Variants in DNAH3 observed in about 807,000 individuals in gnomAD.
The protein encoded by DNAH3 is axonemal beta dynein heavy chain 3.
DNAH3 carries 332 observed loss-of-function variants against 432.5 expected under a neutral mutation model. The ratio of observed to expected loss-of-function variants is 0.77; its 90% CI spans 0.70 to 0.84. The LOEUF is 0.84. Ranked by LOEUF, DNAH3 falls within the 40% of genes least tolerant of loss-of-function variation. The pLI is 0.00. For synonymous variants in DNAH3, 1,956 were observed against 1,900.2 expected, an observed-to-expected ratio of 1.03 and a Z score of -0.76; for missense variants, 4,861 against 5,114.0, an observed-to-expected ratio of 0.95 and a Z score of 1.51.
At chr16:21,129,953 A>T (rs1245608076) in intron 7 of DNAH3, 2 of 151,926 alleles carry the variant, frequency 1.3e-5, no homozygotes, top group Non-Finnish European at 2.9e-5. Context: ...TTATTTACCT[A>T]ATATATTTAT....
At chr16:20,982,943 G>T (rs756253817) in intron 48 of DNAH3, 57 bp from the exon 49 acceptor site, 12 of 1,600,378 alleles carry the variant, frequency 7.5e-6, no homozygotes, top group African/African-American at 1.3e-5. Flanking sequence ...GACCCAAGGA[G>T]GCAGGCGGGT....
chr16:21,082,451 CT>C (rs2091221758), intron 19 of DNAH3, among the ~76,000 whole-genome samples: 1 of 152,162 alleles, frequency 6.6e-6, no homozygotes. Flanking sequence ...ATCCTCGCAC[CT>C]TGATCTCCCA....
intron 25 of DNAH3, among the ~76,000 whole-genome samples, chr16:21,061,936 G>A (rs973788684): frequency 1.3e-5 from 2 of 152,092 alleles, no homozygotes; most frequent in African/African-American, 4.8e-5. Context: ...TATACGCGTG[G>A]GTGGCAAAAA....
intron 28 of DNAH3, among the ~76,000 whole-genome samples, chr16:21,052,305 A>T (rs1049168867): frequency 6.6e-6 from 1 of 152,102 alleles, no homozygotes; most frequent in Non-Finnish European, 1.5e-5. Flanking sequence ...ACAATTTTAG[A>T]TTTCACAAGC....
chr16:21,090,396 C>T (rs1454930687), intron 18 of DNAH3, among the ~76,000 whole-genome samples: 1 of 150,132 alleles, frequency 6.7e-6, no homozygotes, highest in Non-Finnish European at 1.5e-5. Context: ...ACCCTACAGA[C>T]CAGTATCTCT....
intron 41 of DNAH3, among the ~76,000 whole-genome samples, chr16:21,005,323 C>A (rs2087240021): frequency 1.4e-5 from 2 of 147,984 alleles, no homozygotes; most frequent in African/African-American, 5.0e-5. Context: ...TCCCTCCCTC[C>A]CTTCCTTCCT....
rs767589573 is a variant in DNAH3 at position 21,000,281 on chromosome 16, G to A, written c.6364C>T (p.Arg2122Ter). 5.0e-6 allele frequency: 8 copies of A among 1,614,106 alleles called. No homozygotes were observed. In the South Asian group the frequency reaches 5.5e-5, roughly 11 times the overall value. The stretch of plus-strand genomic sequence containing the variant: ...GGCCCGAAAAGGCCCTTCCGTCGTC[G>A]ATCCAGCTTGGACATGATGATATCC... The change falls in exon 43 of 62, where the codon CGA (arginine) becomes TGA (stop). Residue 2122 changes from arginine to a stop codon, truncating the protein, a stop_gained. Coordinates refer to ENST00000261383, the Ensembl canonical transcript of DNAH3. LOFTEE classifies it high-confidence loss of function.
intron 33 of DNAH3, among the ~76,000 whole-genome samples, chr16:21,039,114 C>T (rs2089305591): frequency 6.6e-6 from 1 of 151,316 alleles, no homozygotes; most frequent in Non-Finnish European, 1.5e-5. Flanking sequence ...CTGGACAATA[C>T]TTGAATGAGA....
At chr16:20,975,104 T>C in intron 51 of DNAH3, 129 bp downstream of exon 51, 1 of 1,113,294 alleles carries the variant, frequency 9.0e-7, no homozygotes, top group Non-Finnish European at 1.3e-6. Flanking sequence ...GTGCTGGGAT[T>C]ACAGCTGTGA....
At chr16:21,055,959 A>G (rs541645007) in intron 27 of DNAH3, among the ~76,000 whole-genome samples, 1 of 151,960 alleles carries the variant, frequency 6.6e-6, no homozygotes, top group South Asian at 2.1e-4. Context: ...GCTGGTCTTG[A>G]ACTCCTGGCC....
exon 58 of DNAH3, chr16:20,944,634 G>A (rs368356104): frequency 1.9e-6 from 3 of 1,614,060 alleles, no homozygotes; most frequent in African/African-American, 2.7e-5. Context: ...GGGCTGTGAT[G>A]GGGAGATTCC....
intron 17 of DNAH3, 34 bp from the exon 18 acceptor site, chr16:21,097,533 G>A (rs377396551): frequency 6.4e-4 from 1,033 of 1,608,798 alleles, no homozygotes; most frequent in Non-Finnish European, 8.2e-4. Flanking sequence ...TTTATGGGAT[G>A]GGTTGTTCTC....
chr16:21,024,541 G>A (rs1173247313), intron 39 of DNAH3, 55 bp downstream of exon 39: 16 of 1,331,164 alleles, frequency 1.2e-5, no homozygotes, highest in African/African-American at 8.9e-5. Context: ...GAAGACCCTC[G>A]AGATGAAAAG....
intron 27 of DNAH3, among the ~76,000 whole-genome samples, chr16:21,057,177 G>A (rs1289652830): frequency 6.6e-6 from 1 of 152,148 alleles, no homozygotes; most frequent in Admixed American, 6.5e-5. Context: ...GGAGGCTGAG[G>A]CAAGGAGGAT....
intron 15 of DNAH3, among the ~76,000 whole-genome samples, chr16:21,105,035 G>A (rs971199416): frequency 2.6e-5 from 4 of 152,098 alleles, no homozygotes; most frequent in African/African-American, 9.7e-5. Flanking sequence ...GGCAGTCATG[G>A]TATCAAAGCC....
At chr16:21,031,664 T>C (rs923300008) in intron 36 of DNAH3, among the ~76,000 whole-genome samples, 7 of 152,128 alleles carry the variant, frequency 4.6e-5, no homozygotes, top group Non-Finnish European at 2.9e-5. Context: ...ATTGGGTTAT[T>C]ATAGCCTTTG....
At chr16:21,065,301 C>T (rs2152756774) in intron 24 of DNAH3, among the ~76,000 whole-genome samples, 1 of 152,206 alleles carries the variant, frequency 6.6e-6, no homozygotes, top group Non-Finnish European at 1.5e-5. Context: ...GCTGGGATTA[C>T]AGGCACCCAC....
chr16:21,067,932 A>G (rs2090631760), intron 23 of DNAH3, among the ~76,000 whole-genome samples: 1 of 152,030 alleles, frequency 6.6e-6, no homozygotes, highest in Non-Finnish European at 1.5e-5. Flanking sequence ...CTTGGGTTCC[A>G]TGAGACACCC....
At chr16:21,038,517 G>C (rs1029579371) in intron 33 of DNAH3, among the ~76,000 whole-genome samples, 14 of 152,244 alleles carry the variant, frequency 9.2e-5, no homozygotes, top group African/African-American at 3.1e-4. Flanking sequence ...GATTGGCTGC[G>C]TTCAGTGTGG....
Sources: gnomAD v4.1 joint callset for allele counts (sites outside exome capture counted in the v4.1 genomes callset) on GRCh38, gnomAD v4.1.1 for gene constraint, MANE v1.5 for transcripts, NCBI Gene and HGNC (gene_info 2026-07-23, HGNC 2026-07-21) for gene names.